The following KIF13A variants were observed in gnomAD, a reference collection of about 807,000 sequenced individuals.
The protein encoded by KIF13A is kinesin-like protein KIF13A.
In KIF13A, 79 loss-of-function variants were observed where a neutral mutation model predicts 212.2. That is an observed-to-expected ratio of 0.37 (90% CI 0.31 to 0.45). KIF13A has a LOEUF of 0.45. Among genes scored for constraint, KIF13A ranks in the 20% least tolerant of loss-of-function variants. The pLI, the probability that KIF13A is intolerant of heterozygous loss-of-function variation, is 1.00. For missense variants in KIF13A, 1,901 were observed against 2,209.0 expected (o/e 0.86, Z 2.79); for synonymous variants, 789 against 808.6 (o/e 0.98, Z 0.41).
At chr6:17,937,746 GTT>G (rs11401933) in intron 2 of KIF13A, among the ~76,000 whole-genome samples, 2 of 135,694 alleles carry the variant, frequency 1.5e-5, no homozygotes, top group Non-Finnish European at 3.1e-5. Context: ...TTCCTTTTTT[GTT>G]TTTTTTTTTT....
At position 17,772,101 on chromosome 6, in the gene KIF13A, CTT is replaced by C. The variant is rs769983266; in HGVS notation, c.4325-44_4325-43del. ...GTTATGAGGTTACAGATGCTGAACACTTTAAGCAAAACATAGGAACTGAGACA... is the reference window on the plus strand; with the variant it reads ...GTTATGAGGTTACAGATGCTGAACACTAAGCAAAACATAGGAACTGAGACA... On this transcript the variant is annotated intron_variant, in intron 36 of 38. Coordinates refer to ENST00000259711, the MANE Select transcript of KIF13A (RefSeq NM_022113.6). The surrounding 1 kb of genome is among the most constrained non-coding windows in gnomAD (Gnocchi z 4.8). 6 of 1,586,696 alleles carry C rather than the reference CTT, an allele frequency of 3.8e-6. No homozygotes were observed. The African/African-American group carries it at 8.1e-5, about 21-fold the overall frequency.
intron 2 of KIF13A, among the ~76,000 whole-genome samples, chr6:17,932,633 C>A (rs74494983): frequency 0.068 from 10,279 of 152,172 alleles, 400 homozygotes; most frequent in Middle Eastern, 0.092. Context: ...CCGGAACTGT[C>A]ACCTCAACAC....
intron 2 of KIF13A, among the ~76,000 whole-genome samples, chr6:17,939,395 G>C (rs183845098): frequency 2.0e-5 from 3 of 152,282 alleles, no homozygotes; most frequent in Non-Finnish European, 2.9e-5. Flanking sequence ...AAGGCCATTC[G>C]AGTTTATTTT....
downstream of KIF13A, among the ~76,000 whole-genome samples, chr6:17,761,031 G>A (rs1758560571): frequency 6.6e-6 from 1 of 151,922 alleles, no homozygotes; most frequent in Non-Finnish European, 1.5e-5. Flanking sequence ...ATCCAGTGCT[G>A]GAATCCACAT....
intron 2 of KIF13A, among the ~76,000 whole-genome samples, chr6:17,929,546 G>A (rs928200127): frequency 1.4e-4 from 21 of 152,034 alleles, no homozygotes; most frequent in African/African-American, 4.3e-4. Flanking sequence ...GACTACAGGC[G>A]CCCGCCACCA....
chr6:17,855,416 T>G lies in KIF13A; in HGVS notation c.494+21A>C, dbSNP rs747364262. The G allele has an allele frequency of 3.8e-6, 6 of 1,576,738 alleles. No homozygotes were observed. The highest frequency in any genetic ancestry group is 5.2e-6 in the Non-Finnish European group (6 of 1,158,218). ...AATTATCTCCCCCTATTAACACACT[T>G]AATCTTGACCACTAACTTACCCTTT... On this transcript the variant is annotated intron_variant, in intron 6 of 38. Coordinates refer to ENST00000259711, the MANE Select transcript of KIF13A (RefSeq NM_022113.6). This position sits in a 1 kb window ranked among gnomAD's most constrained non-coding sequence, Gnocchi z 4.1.
At chr6:17,853,699 G>T (rs535952303) in intron 6 of KIF13A, among the ~76,000 whole-genome samples, 2 of 152,104 alleles carry the variant, frequency 1.3e-5, no homozygotes, top group Admixed American at 6.5e-5. Flanking sequence ...AATCACGGTG[G>T]GGGGAACAAA....
chr6:17,910,568 T>A (rs1259786592), intron 2 of KIF13A, among the ~76,000 whole-genome samples: 1 of 149,358 alleles, frequency 6.7e-6, no homozygotes, highest in Non-Finnish European at 1.5e-5. Flanking sequence ...TAAGACAATT[T>A]TTTTTAAAAT....
intron 3 of KIF13A, among the ~76,000 whole-genome samples, chr6:17,893,561 T>C (rs551197593): frequency 6.6e-6 from 1 of 152,350 alleles, no homozygotes; most frequent in African/African-American, 2.4e-5. Context: ...CTTTCCATCT[T>C]GAATTTCCTT....
chr6:17,892,022 CCTGA>C lies in KIF13A; in HGVS notation c.159+6142_159+6145del, dbSNP rs1772107909. On this transcript the variant is annotated intron_variant, in intron 3 of 38. Coordinates refer to ENST00000259711, the MANE Select transcript of KIF13A (RefSeq NM_022113.6). The surrounding 1 kb of genome is among the most constrained non-coding windows in gnomAD (Gnocchi z 4.7). The stretch of plus-strand genomic sequence containing the variant: ...CTACTCTCTTCACCCCAATAATTTA[CCTGA>C]TCTTTGTAAGGCAGAGTCGGCAAAT... 6.6e-6 allele frequency among the ~76,000 whole-genome samples: 1 copy of C among 152,170 alleles called. No individual in the cohort carries two copies. The highest frequency in any genetic ancestry group is 2.4e-5 in the African/African-American group (1 of 41,450).
chr6:17,934,514 C>A lies in KIF13A; in HGVS notation c.147-36334G>T, dbSNP rs572171296. The stretch of plus-strand genomic sequence containing the variant: ...ATAAAAAGACGCCGAAGGCCAGGCA[C>A]CGTGGGTCATGCCTGTAATCCCAAA... On this transcript the variant is annotated intron_variant, in intron 2 of 38. Coordinates refer to ENST00000259711, the MANE Select transcript of KIF13A (RefSeq NM_022113.6). The surrounding 1 kb of genome is among the most constrained non-coding windows in gnomAD (Gnocchi z 5.4). Among the ~76,000 whole-genome samples the A allele has an allele frequency of 3.0e-4, 45 of 152,268 alleles. No individual in the cohort carries two copies. The highest frequency in any genetic ancestry group is 1.1e-3 in the African/African-American group (44 of 41,548).
rs1766221856 is a variant in KIF13A at position 17,838,728 on chromosome 6, T to C, written c.831-1145A>G. On this transcript the variant is annotated intron_variant, in intron 9 of 38. Coordinates refer to ENST00000259711, the MANE Select transcript of KIF13A (RefSeq NM_022113.6). This position sits in a 1 kb window ranked among gnomAD's most constrained non-coding sequence, Gnocchi z 4.2. ...ACTCATAAGTGGAAGCTAAATAACG[T>C]GTACTCATGGACATAGAGACTGGAA... Among the ~76,000 whole-genome samples, 1 of 152,186 alleles carries C rather than the reference T, an allele frequency of 6.6e-6. No homozygotes were observed. Among genetic ancestry groups the C allele is most frequent in the Non-Finnish European group, 1.5e-5 (1 of 68,038 alleles).
At chr6:17,911,133 A>G (rs1230921441) in intron 2 of KIF13A, among the ~76,000 whole-genome samples, 5 of 152,254 alleles carry the variant, frequency 3.3e-5, no homozygotes, top group Admixed American at 3.3e-4. Flanking sequence ...TTTTAGAGGT[A>G]TAACAGTTTA....
In KIF13A at chr6:17,843,589, T is replaced by A. The variant is rs529924751; in HGVS notation, c.830+5788A>T. Among the ~76,000 whole-genome samples, 1 of 152,216 alleles carries A rather than the reference T, an allele frequency of 6.6e-6. No homozygotes were observed. Among genetic ancestry groups the A allele is most frequent in the Admixed American group, 6.5e-5 (1 of 15,282 alleles). On this transcript the variant is annotated intron_variant, in intron 9 of 38. Coordinates refer to ENST00000259711, the MANE Select transcript of KIF13A (RefSeq NM_022113.6). The surrounding 1 kb of genome is among the most constrained non-coding windows in gnomAD (Gnocchi z 5.3). ...GAATGATAGAGCTATCCTGAGATCA[T>A]GAAGATGACATGAACACACATTAAA...
chr6:17,874,999 G>GTACACACACACACACACACA lies in KIF13A; in HGVS notation c.160-1563_160-1562insTGTGTGTGTGTGTGTGTGTA, dbSNP rs1554188631. ...CCACCACACACACACACACGCACAC[G>GTACACACACACACACACACA]CACGCACACACACACACACACACAC... is the stretch of plus-strand genomic sequence containing the variant. On this transcript the variant is annotated intron_variant, in intron 3 of 38. Transcript: ENST00000259711. Among the ~76,000 whole-genome samples, 852 of 120,322 alleles carry GTACACACACACACACACACA rather than the reference G, an allele frequency of 7.1e-3. 12 individuals are homozygous for GTACACACACACACACACACA. The highest frequency in any genetic ancestry group is 0.026 in the African/African-American group (835 of 32,742). 78.9% of individuals were successfully genotyped at this position (120,322 alleles called of 152,430 possible). A position where few individuals can be genotyped will look rare whatever the true frequency, so the allele number is the denominator to read the frequency against.
intron 22 of KIF13A, among the ~76,000 whole-genome samples, chr6:17,798,264 C>A (rs1227976929): frequency 6.6e-6 from 1 of 152,050 alleles, no homozygotes; most frequent in Non-Finnish European, 1.5e-5. Flanking sequence ...TCATAAGAAC[C>A]CAGAAGCTCT....
In KIF13A at chr6:17,772,457, A is replaced by G. The variant is rs939718835; in HGVS notation, c.4325-398T>C. Among the ~76,000 whole-genome samples the G allele has an allele frequency of 6.6e-6, 1 of 152,152 alleles. No homozygotes were observed. Among genetic ancestry groups the G allele is most frequent in the African/African-American group, 2.4e-5 (1 of 41,426 alleles). ...CCCCACAAACAACAAACAACAAACAAAAAAACCCCCAAAAAACCATGGAAC... is the reference window on the plus strand; with the variant it reads ...CCCCACAAACAACAAACAACAAACAGAAAAACCCCCAAAAAACCATGGAAC... On this transcript the variant is annotated intron_variant, in intron 36 of 38. Transcript: ENST00000259711. The surrounding 1 kb of genome is among the most constrained non-coding windows in gnomAD (Gnocchi z 4.8).
intron 25 of KIF13A, among the ~76,000 whole-genome samples, chr6:17,791,389 A>G (rs1761539298): frequency 6.7e-6 from 1 of 149,858 alleles, no homozygotes; most frequent in South Asian, 2.1e-4. Context: ...TTTTTGCATC[A>G]GAATAATTCT....
chr6:17,818,151 A>C (rs939880534), intron 16 of KIF13A, among the ~76,000 whole-genome samples: 2 of 152,216 alleles, frequency 1.3e-5, no homozygotes, highest in Non-Finnish European at 2.9e-5. Context: ...TCATCATCAC[A>C]GTTAATATTT....
Sources: allele counts gnomAD v4.1 joint callset (sites outside exome capture counted in the v4.1 genomes callset), GRCh38; gene constraint gnomAD v4.1.1; non-coding constraint Gnocchi (gnomAD v3.1); transcripts MANE v1.5; gene names NCBI Gene and HGNC (gene_info 2026-07-23, HGNC 2026-07-21).